CADPS: variants seen among roughly 807,000 people sequenced by gnomAD.
CADPS encodes calcium dependent secretion activator.
CADPS carries 57 observed loss-of-function variants against 167.3 expected under a neutral mutation model. The observed-to-expected ratio is 0.34, with a 90% CI of 0.28 to 0.42. CADPS has a LOEUF of 0.42. Ranked by LOEUF, CADPS falls within the 20% of genes least tolerant of loss-of-function variation. CADPS has a pLI of 1.00. For synonymous variants in CADPS, 676 were observed against 635.3 expected, an observed-to-expected ratio of 1.06 and a Z score of -0.96; for missense variants, 1,414 against 1,738.1, an observed-to-expected ratio of 0.81 and a Z score of 3.32.
intron 1 of CADPS, among the ~76,000 whole-genome samples, chr3:62,796,675 C>G (rs896283754): frequency 5.9e-5 from 9 of 152,098 alleles, no homozygotes; most frequent in Non-Finnish European, 7.3e-5. Flanking sequence ...GATGATTTCA[C>G]TCTGATTGGA....
chr3:62,426,872 A>G (rs539405867), intron 28 of CADPS, among the ~76,000 whole-genome samples: 1 of 150,844 alleles, frequency 6.6e-6, no homozygotes, highest in African/African-American at 2.4e-5. Context: ...TCGAGACCAT[A>G]CTGGCTAACA....
At chr3:62,410,157 CT>C (rs1458245990) in intron 28 of CADPS, among the ~76,000 whole-genome samples, 2 of 152,098 alleles carry the variant, frequency 1.3e-5, no homozygotes, top group African/African-American at 4.8e-5. Context: ...AAATAATGGC[CT>C]AAGAACAAAT....
intron 14 of CADPS, 106 bp from the exon 15 acceptor site, chr3:62,516,749 TTTTTA>T (rs1473287623): frequency 6.5e-6 from 5 of 774,972 alleles, no homozygotes; most frequent in Admixed American, 4.6e-5. Context: ...TGGAAAATGC[TTTTTA>T]TTTTGTCACG....
intron 3 of CADPS, among the ~76,000 whole-genome samples, chr3:62,750,163 C>A (rs2082371620): frequency 6.6e-6 from 1 of 151,456 alleles, no homozygotes. Flanking sequence ...ACCAGCCTGG[C>A]CAACATGGAA....
intron 1 of CADPS, among the ~76,000 whole-genome samples, chr3:62,782,327 C>T (rs1313364482): frequency 1.3e-5 from 2 of 152,172 alleles, no homozygotes; most frequent in Non-Finnish European, 2.9e-5. Context: ...ATGCACACAT[C>T]CACCCACCTG....
chr3:62,714,477 C>A (rs771749280), intron 3 of CADPS, among the ~76,000 whole-genome samples: 3 of 152,098 alleles, frequency 2.0e-5, no homozygotes, highest in Non-Finnish European at 4.4e-5. Flanking sequence ...CCAATTACCA[C>A]ACGGCTGTGA....
chr3:62,651,011 C>T lies in CADPS; in HGVS notation c.1039G>A (p.Val347Ile). Reference protein sequence around the residue: ...NMYIEELKSSVNLLMANLESM... With the variant: ...NMYIEELKSSINLLMANLESM... ...TCCAAGTTGGCCATGAGCAGGTTGA[C>T]AGATGACTTCAGCTCCTCAATGTAC... Residue 347 changes from valine (V) to isoleucine (I), a missense_variant, in exon 5 of 30, where the codon GTC (valine) becomes ATC (isoleucine). Coordinates refer to ENST00000383710, the MANE Select transcript of CADPS (RefSeq NM_003716.4). 6.2e-7 allele frequency: 1 copy of T among 1,614,138 alleles called. No individual in the cohort carries two copies. The highest frequency in any genetic ancestry group is 1.1e-5 in the South Asian group (1 of 91,082).
intron 28 of CADPS, among the ~76,000 whole-genome samples, chr3:62,414,234 C>T (rs1245719469): frequency 6.6e-6 from 1 of 152,154 alleles, no homozygotes; most frequent in African/African-American, 2.4e-5. Context: ...CCCTTATCCA[C>T]CAGCCCCCGC....
In CADPS at chr3:62,875,071, G is replaced by T; in HGVS notation, c.-42C>A. On this transcript the variant is annotated 5_prime_UTR_variant, in exon 1 of 30. Transcript: ENST00000383710. ...CGGGGTCTCTGGAGCCCCCGGCTTG[G>T]AGTGCAAAAGGTGGGGGGCGCTGGA... The T allele has an allele frequency of 1.3e-6, 2 of 1,545,652 alleles. No homozygotes were observed. The highest frequency in any genetic ancestry group is 1.7e-6 in the Non-Finnish European group (2 of 1,143,224).
rs747621053 is a variant in CADPS, at chr3:62,601,477, A to G, written c.1326-8729T>C. 7.2e-5 allele frequency among the ~76,000 whole-genome samples: 11 copies of G among 152,202 alleles called. No homozygotes were observed. The highest frequency in any genetic ancestry group is 1.3e-4 in the Non-Finnish European group (9 of 68,042). On this transcript the variant is annotated intron_variant, in intron 6 of 29. Coordinates refer to ENST00000383710, the MANE Select transcript of CADPS (RefSeq NM_003716.4). This position sits in a 1 kb window ranked among gnomAD's most constrained non-coding sequence, Gnocchi z 4.3. ...ATACTTTTATTTTCATTAGCAGATT[A>G]GCAGAATGCTCATCTGGGCATACCC...
chr3:62,812,521 A>G (rs1366435034), intron 1 of CADPS, among the ~76,000 whole-genome samples: 2 of 152,196 alleles, frequency 1.3e-5, no homozygotes, highest in African/African-American at 2.4e-5. Context: ...TAAAGGTACA[A>G]TCACACATCA....
At chr3:62,682,000 T>C (rs562797059) in intron 3 of CADPS, among the ~76,000 whole-genome samples, 3 of 152,222 alleles carry the variant, frequency 2.0e-5, no homozygotes, top group Admixed American at 2.0e-4. Context: ...TGTTGATGCA[T>C]TACGAAGTAT....
intron 18 of CADPS, among the ~76,000 whole-genome samples, chr3:62,494,163 C>T (rs905444146): frequency 4.6e-5 from 7 of 152,174 alleles, no homozygotes; most frequent in African/African-American, 1.7e-4. Context: ...ATTGAATTTT[C>T]ACAGATTCCA....
intron 11 of CADPS, among the ~76,000 whole-genome samples, chr3:62,540,330 A>G (rs540969823): frequency 6.6e-6 from 1 of 152,004 alleles, no homozygotes; most frequent in South Asian, 2.1e-4. Flanking sequence ...CAAGACACAT[A>G]CATAAAATTG....
chr3:62,780,826 T>A (rs948067560), intron 1 of CADPS, among the ~76,000 whole-genome samples: 1 of 152,194 alleles, frequency 6.6e-6, no homozygotes, highest in Admixed American at 6.5e-5. Context: ...CCTTCATTAA[T>A]CAGTTAAATA....
intron 22 of CADPS, 107 bp downstream of exon 22, chr3:62,481,612 CTAAT>C (rs1278195274): frequency 2.0e-6 from 2 of 997,104 alleles, no homozygotes; most frequent in East Asian, 5.5e-5. Flanking sequence ...CAAAATATGT[CTAAT>C]TATCCATCTC....
Position 62,715,856 on chromosome 3 carries a change from A to ATGCCATTCTCC in CADPS, c.888+37584_888+37585insGGAGAATGGCA, listed in dbSNP as rs1554106284. Among the ~76,000 whole-genome samples, 700 of 138,454 alleles carry ATGCCATTCTCC rather than the reference A, an allele frequency of 5.1e-3. 7 individuals are homozygous for ATGCCATTCTCC. The highest frequency in any genetic ancestry group is 0.018 in the African/African-American group (660 of 37,586). 90.8% of individuals were successfully genotyped at this position (138,454 alleles called of 152,430 possible). A position where few individuals can be genotyped will look rare whatever the true frequency, so the allele number is the denominator to read the frequency against. On this transcript the variant is annotated intron_variant, in intron 3 of 29. Coordinates refer to ENST00000383710, the MANE Select transcript of CADPS (RefSeq NM_003716.4). Reference sequence around the variant, plus strand: ...ACTGCAAGCTCCGCCTCCCGGGTTCATGCCTCAGCCTCCTGAGTAGCTGGA... The same window carrying ATGCCATTCTCC: ...ACTGCAAGCTCCGCCTCCCGGGTTCATGCCATTCTCCTGCCTCAGCCTCCTGAGTAGCTGGA...
intron 28 of CADPS, among the ~76,000 whole-genome samples, chr3:62,413,385 G>A (rs541318904): frequency 6.6e-6 from 1 of 152,304 alleles, no homozygotes; most frequent in African/African-American, 2.4e-5. Flanking sequence ...GTGTCCATCA[G>A]AGGATGAGTG....
intron 29 of CADPS, 138 bp downstream of exon 29, chr3:62,402,943 T>G (rs912855158): frequency 3.9e-6 from 2 of 513,540 alleles, no homozygotes; most frequent in African/African-American, 3.9e-5. Context: ...CACAAAACAA[T>G]TGCATAGGTT....
Sources: allele counts gnomAD v4.1 joint callset (sites outside exome capture counted in the v4.1 genomes callset), GRCh38; gene constraint gnomAD v4.1.1; non-coding constraint Gnocchi (gnomAD v3.1); transcripts MANE v1.5; gene names NCBI Gene and HGNC (gene_info 2026-07-23, HGNC 2026-07-21).